Variants in CUBN observed in about 807,000 individuals in gnomAD.
CUBN encodes cubilin.
A neutral mutation model predicts 405.3 loss-of-function variants in CUBN; 282 were observed. That is an observed-to-expected ratio of 0.70 (90% CI 0.63 to 0.77). CUBN has a LOEUF of 0.77. CUBN is among the 30% of genes least tolerant of loss of function. The pLI, the probability that CUBN is intolerant of heterozygous loss-of-function variation, is 0.00. For synonymous variants in CUBN, 1,684 were observed against 1,617.0 expected (o/e 1.04, Z -0.99); for missense variants, 4,514 against 4,475.2 (o/e 1.01, Z -0.25).
At position 16,846,284 on chromosome 10, in the gene CUBN, T is replaced by C. The variant is rs144355492; in HGVS notation, c.9663+4951A>G. Among the ~76,000 whole-genome samples the C allele has an allele frequency of 1.9e-3, 283 of 152,340 alleles. 1 individual carries two copies. Among genetic ancestry groups the C allele is most frequent in the African/African-American group, 6.4e-3 (266 of 41,578 alleles). On this transcript the variant is annotated intron_variant, in intron 60 of 66. Coordinates refer to ENST00000377833, the MANE Select transcript of CUBN (RefSeq NM_001081.4). ...CAAATATAACCCACCCGTATTTGTT[T>C]ACATTTATACTTTTTATTCACCACC...
At chr10:16,852,464 CCTCT>C (rs923017913) in intron 59 of CUBN, among the ~76,000 whole-genome samples, 13 of 147,950 alleles carry the variant, frequency 8.8e-5, no homozygotes, top group Admixed American at 2.0e-4. Context: ...TCCCTCCCTC[CCTCT>C]ATCTTTCCCT....
intron 28 of CUBN, among the ~76,000 whole-genome samples, chr10:17,008,429 CGTGTGTGTGT>C (rs59235819): frequency 6.1e-5 from 8 of 131,534 alleles, no homozygotes; most frequent in Non-Finnish European, 1.1e-4. Flanking sequence ...AATCCCTGCT[CGTGTGTGTGT>C]GTGTGTGTGT....
In CUBN at chr10:17,047,438, T is replaced by C; in HGVS notation, c.3305A>G (p.Tyr1102Cys). 6.2e-7 allele frequency: 1 copy of C among 1,613,732 alleles called. No homozygotes were observed. The highest frequency in any genetic ancestry group is 8.5e-7 in the Non-Finnish European group (1 of 1,179,666). The change falls in exon 23 of 67, where the codon TAT (tyrosine) becomes TGT (cysteine). Residue 1102 changes from tyrosine (Y) to cysteine (C), a missense_variant. Around this residue, in one of 5 missense-constraint regions of CUBN, gnomAD observed 1,448 missense variants for 1,388.0 expected, o/e 1.04. Transcript: ENST00000377833. ...CCTGATTTCCAGAAAATCTGTATAA[T>C]AGTTTCCAATGGCTTCCTCCAAGGA... The part of the protein sequence containing the change: ...NFSLEEAIGN[Y>C]YTDFLEIRDG...
At chr10:17,106,337 G>A (rs1836629375) in intron 10 of CUBN, among the ~76,000 whole-genome samples, 1 of 148,208 alleles carries the variant, frequency 6.7e-6, no homozygotes, top group Non-Finnish European at 1.5e-5. Flanking sequence ...AGAGCCCTAT[G>A]GAATCTGTAA....
chr10:16,938,886 A>G (rs1842585397), intron 38 of CUBN, 77 bp downstream of exon 38: 1 of 1,295,438 alleles, frequency 7.7e-7, no homozygotes, highest in African/African-American at 1.5e-5. Flanking sequence ...ATGCTTGAAT[A>G]GACGTTACCT....
At chr10:16,999,754 A>G (rs996005443) in intron 28 of CUBN, among the ~76,000 whole-genome samples, 1 of 152,250 alleles carries the variant, frequency 6.6e-6, no homozygotes, top group Non-Finnish European at 1.5e-5. Flanking sequence ...CTATTTAGAA[A>G]TATTATTCAA....
chr10:17,018,835 T>C (rs1834417518), intron 28 of CUBN, among the ~76,000 whole-genome samples: 1 of 152,150 alleles, frequency 6.6e-6, no homozygotes, highest in Admixed American at 6.5e-5. Context: ...TTGGTGGGTT[T>C]TTACAGAGTG....
At chr10:16,992,032 A>T (rs1246375367) in intron 28 of CUBN, among the ~76,000 whole-genome samples, 1 of 152,268 alleles carries the variant, frequency 6.6e-6, no homozygotes, top group African/African-American at 2.4e-5. Flanking sequence ...AAAATGTGGC[A>T]CATATACACC....
At chr10:16,905,228 T>G (rs568264187) in intron 50 of CUBN, among the ~76,000 whole-genome samples, 77 of 152,298 alleles carry the variant, frequency 5.1e-4, no homozygotes, top group African/African-American at 1.7e-3. Context: ...GTTTATTTAC[T>G]GAGAAAAACG....
At chr10:17,019,375 T>C (rs1834432657) in intron 28 of CUBN, among the ~76,000 whole-genome samples, 1 of 152,086 alleles carries the variant, frequency 6.6e-6, no homozygotes, top group Non-Finnish European at 1.5e-5. Context: ...AGGCCAACCC[T>C]ACCCCTTCCT....
Position 17,084,472 on chromosome 10 carries a change from G to A in CUBN, c.2111-11C>T, listed in dbSNP as rs192697520. 1.2e-5 allele frequency: 19 copies of A among 1,611,494 alleles called. No homozygotes were observed. In the East Asian group the frequency reaches 4.2e-4, roughly 36 times the overall value. On this transcript the variant is annotated splice_polypyrimidine_tract_variant and intron_variant, in intron 16 of 66. Transcript: ENST00000377833. ...CACAACGCAGATCCGCTAAGAACAG[G>A]GAAGAGACGAACAGGTCATGGCAAT...
chr10:16,869,694 G>T lies in CUBN; in HGVS notation c.9396C>A (p.Phe3132Leu), dbSNP rs764623370. Residue 3132 changes from phenylalanine to leucine, a missense_variant, in exon 59 of 67, where the codon TTC becomes TTA. Physicochemically the swap from Phe to Leu is conservative, Grantham distance 22. Around this residue, in one of 5 missense-constraint regions of CUBN, gnomAD observed 1,186 missense variants for 1,186.9 expected, o/e 1.00. Transcript: ENST00000377833. ...KSSNNSMLLV[F>L]KTDSFQTAKG... Reference sequence around the variant, plus strand: ...TTGCTGTCTGAAATGAATCTGTCTTGAACACCAGGAGCATACTATTATTGC... The same window carrying T: ...TTGCTGTCTGAAATGAATCTGTCTTTAACACCAGGAGCATACTATTATTGC... 6.2e-7 allele frequency: 1 copy of T among 1,614,072 alleles called. No homozygotes were observed. The highest frequency in any genetic ancestry group is 1.1e-5 in the South Asian group (1 of 91,080).
chr10:16,897,841 G>A (rs11254269), intron 54 of CUBN, among the ~76,000 whole-genome samples: 17,859 of 152,012 alleles, frequency 0.12, 1,563 homozygotes, highest in East Asian at 0.42. Context: ...CATCCCACTC[G>A]GCAGCAGCGT....
intron 41 of CUBN, among the ~76,000 whole-genome samples, chr10:16,926,034 T>C (rs1193632639): frequency 6.6e-6 from 1 of 152,190 alleles, no homozygotes. Context: ...AAGATTTCTT[T>C]ATAGATGGGG....
rs1841982682 is a variant in CUBN, at chr10:16,919,832, A to G, written c.6821+131T>C. 6 of 1,015,584 alleles carry G rather than the reference A, an allele frequency of 5.9e-6. 1 individual carries two copies. The highest frequency in any genetic ancestry group is 5.5e-5 in the South Asian group (4 of 72,756). The allele number at this position is 1,015,584 out of a possible 1,614,324, so 62.9% of individuals were successfully genotyped here. A position where few individuals can be genotyped will look rare whatever the true frequency, so the allele number is the denominator to read the frequency against. On this transcript the variant is annotated intron_variant, in intron 44 of 66. Coordinates refer to ENST00000377833, the MANE Select transcript of CUBN (RefSeq NM_001081.4). The stretch of plus-strand genomic sequence containing the variant: ...CCGACTGTGTTTTCAGGCCTGAGCC[A>G]TTAAGCATTTCCCTTTTCCCCTAGA...
intron 28 of CUBN, among the ~76,000 whole-genome samples, chr10:17,013,992 T>G (rs1244728476): frequency 1.3e-5 from 2 of 152,170 alleles, no homozygotes; most frequent in African/African-American, 2.4e-5. Context: ...GGGAGAAAAG[T>G]GGCAGGGTTG....
At chr10:16,825,684 A>G (rs1054254649) in intron 66 of CUBN, among the ~76,000 whole-genome samples, 1 of 136,440 alleles carries the variant, frequency 7.3e-6, no homozygotes, top group Non-Finnish European at 1.6e-5. Context: ...TTGGGGGGAT[A>G]CATGGGTCCC....
At chr10:17,084,239 T>A (rs757053735) in intron 17 of CUBN, 32 bp downstream of exon 17, 1 of 1,607,248 alleles carries the variant, frequency 6.2e-7, no homozygotes. Context: ...TTGATGAATG[T>A]CATCTAAGGG....
At chr10:16,967,888 AGAG>A (rs1843443157) in intron 31 of CUBN, among the ~76,000 whole-genome samples, 1 of 150,238 alleles carries the variant, frequency 6.7e-6, no homozygotes, top group African/African-American at 2.5e-5. Flanking sequence ...AGAGAGAAGG[AGAG>A]ACAGAGGGAG....
Sources: allele counts gnomAD v4.1 joint callset (sites outside exome capture counted in the v4.1 genomes callset), GRCh38; gene constraint gnomAD v4.1.1; regional missense constraint gnomAD v4.1.1; transcripts MANE v1.5; gene names NCBI Gene and HGNC (gene_info 2026-07-23, HGNC 2026-07-21).